The following KIAA1328 variants were observed in gnomAD, a reference collection of about 807,000 sequenced individuals.
KIAA1328 encodes the protein KIAA1328, also known as protein hinderin.
Under a neutral mutation model 68.1 loss-of-function variants are expected in KIAA1328, and 52 were observed. The observed-to-expected ratio is 0.76, with a 90% confidence interval of 0.61 to 0.96. The LOEUF is 0.96. Among genes scored for constraint, KIAA1328 ranks in the 40% least tolerant of loss-of-function variants. KIAA1328 has a pLI of 0.00. For synonymous variants in KIAA1328, 232 were observed against 239.4 expected, an observed-to-expected ratio of 0.97 and a Z score of 0.28; for missense variants, 641 against 677.6, an observed-to-expected ratio of 0.95 and a Z score of 0.60.
At chr18:37,015,804 A>T (rs2054132309) in intron 6 of KIAA1328, among the ~76,000 whole-genome samples, 1 of 152,114 alleles carries the variant, frequency 6.6e-6, no homozygotes. Context: ...CTCAGCTTGA[A>T]CATTGTTGGT....
rs533110921 is a variant in KIAA1328 at position 37,096,901 on chromosome 18, A to G, written c.1232+29356A>G. On this transcript the variant is annotated intron_variant, in intron 7 of 9. Transcript: ENST00000280020. ...TGAGAAGTGTCTGTTCATTTCCTTC[A>G]CCCACTTTTTGTTGGGGCCGTTTGT... Among the ~76,000 whole-genome samples, 47 of 151,954 alleles carry G rather than the reference A, an allele frequency of 3.1e-4. 1 individual carries two copies. The highest frequency in any genetic ancestry group is 9.9e-4 in the African/African-American group (41 of 41,430).
At position 37,102,184 on chromosome 18, in the gene KIAA1328, G is replaced by A. The variant is rs180932804; in HGVS notation, c.1232+34639G>A. Among the ~76,000 whole-genome samples the A allele has an allele frequency of 4.6e-3, 694 of 152,288 alleles. 5 individuals are homozygous for A. Among genetic ancestry groups the A allele is most frequent in the South Asian group, 0.021 (103 of 4,822 alleles). ...ATCAAGTGGGGTTTATGCCAGGAAT[G>A]CAAAGATGCTTCAACATATGCAATT... On this transcript the variant is annotated intron_variant, in intron 7 of 9. Transcript: ENST00000280020.
In KIAA1328 at chr18:37,078,117, G is replaced by T. The variant is rs202064286; in HGVS notation, c.1232+10572G>T. ...CAGTAACCAAAACAGCATGGTACTG[G>T]TACCAAAACAGAGATATAGATCAAT... On this transcript the variant is annotated intron_variant, in intron 7 of 9. Coordinates refer to ENST00000280020, the MANE Select transcript of KIAA1328 (RefSeq NM_020776.3). 1.7e-4 allele frequency among the ~76,000 whole-genome samples: 26 copies of T among 152,274 alleles called. 1 individual carries two copies. In the East Asian group the frequency reaches 5.0e-3, roughly 29 times the overall value.
chr18:37,149,728 G>A (rs377070039), intron 7 of KIAA1328, among the ~76,000 whole-genome samples: 17 of 152,282 alleles, frequency 1.1e-4, no homozygotes, highest in African/African-American at 2.9e-4. Flanking sequence ...GATAGAGTCT[G>A]TGACTGTATT....
intron 5 of KIAA1328, among the ~76,000 whole-genome samples, chr18:36,887,605 GTGGTCTTTTA>G (rs2048544364): frequency 6.6e-6 from 1 of 152,088 alleles, no homozygotes. Flanking sequence ...TCCCCACCCA[GTGGTCTTTTA>G]TATGATATTT....
At chr18:37,052,054 AC>A (rs201445149) in intron 6 of KIAA1328, among the ~76,000 whole-genome samples, 3 of 151,948 alleles carry the variant, frequency 2.0e-5, no homozygotes, top group African/African-American at 7.3e-5. Flanking sequence ...AAAAAAAAAA[AC>A]TACAGGCCAG....
At chr18:37,191,758 A>G (rs867081824) in intron 9 of KIAA1328, among the ~76,000 whole-genome samples, 1 of 152,208 alleles carries the variant, frequency 6.6e-6, no homozygotes, top group African/African-American at 2.4e-5. Context: ...GTGTATCAAG[A>G]ATTAGGGAAA....
chr18:36,951,576 C>T (rs1273328025), intron 5 of KIAA1328, among the ~76,000 whole-genome samples: 1 of 152,180 alleles, frequency 6.6e-6, no homozygotes, highest in African/African-American at 2.4e-5. Flanking sequence ...TCTATTTCTA[C>T]TCAGACTTCT....
chr18:36,905,161 G>C (rs2049173822), intron 5 of KIAA1328, among the ~76,000 whole-genome samples: 1 of 151,384 alleles, frequency 6.6e-6, no homozygotes, highest in Non-Finnish European at 1.5e-5. Context: ...GACCAGGCTG[G>C]AGTGCAGTGG....
At chr18:37,053,437 A>G (rs1410594200) in intron 6 of KIAA1328, among the ~76,000 whole-genome samples, 2 of 152,228 alleles carry the variant, frequency 1.3e-5, no homozygotes, top group South Asian at 4.1e-4. Flanking sequence ...CAAAGAATTT[A>G]TGACTAAGAC....
chr18:36,894,553 T>A (rs970831236), intron 5 of KIAA1328, among the ~76,000 whole-genome samples: 2 of 151,832 alleles, frequency 1.3e-5, no homozygotes, highest in South Asian at 2.1e-4. Context: ...TGAGACAGGG[T>A]CTTACCAGGT....
At chr18:37,081,520 A>G (rs1002194701) in intron 7 of KIAA1328, among the ~76,000 whole-genome samples, 1 of 152,198 alleles carries the variant, frequency 6.6e-6, no homozygotes, top group African/African-American at 2.4e-5. Flanking sequence ...CATTAATATC[A>G]TATAACAAGA....
rs1225533426 is a variant in KIAA1328 at position 37,066,972 on chromosome 18, A to G, written c.659A>G (p.Tyr220Cys). 6 of 1,613,450 alleles carry G rather than the reference A, an allele frequency of 3.7e-6. No homozygotes were observed. The highest frequency in any genetic ancestry group is 1.6e-4 in the Middle Eastern group (1 of 6,062). ...TTGAGCATAGCCAGACCACAGACCT[A>G]CTATCAAACCAAGCAAAGACCTAAG... is the stretch of plus-strand genomic sequence containing the variant. ...SYLSIARPQT[Y>C]YQTKQRPKSA... The change falls in exon 7 of 10, where the codon TAC becomes TGC. Residue 220 changes from tyrosine to cysteine, a missense_variant. By Grantham distance (194) the Tyr-to-Cys change is radical (BLOSUM62 -2). Transcript: ENST00000280020.
chr18:37,173,660 G>T (rs2059543186), intron 9 of KIAA1328, among the ~76,000 whole-genome samples: 1 of 152,152 alleles, frequency 6.6e-6, no homozygotes, highest in Non-Finnish European at 1.5e-5. Context: ...GATATGATTG[G>T]TTTTGAGCAC....
chr18:37,041,258 T>C (rs2055234503), intron 6 of KIAA1328, among the ~76,000 whole-genome samples: 1 of 152,146 alleles, frequency 6.6e-6, no homozygotes, highest in Non-Finnish European at 1.5e-5. Flanking sequence ...TTATAATTAT[T>C]ATGTCTTTCT....
At chr18:37,136,283 A>C (rs1331647874) in intron 7 of KIAA1328, among the ~76,000 whole-genome samples, 1 of 152,136 alleles carries the variant, frequency 6.6e-6, no homozygotes, top group African/African-American at 2.4e-5. Context: ...ATAAATTTAT[A>C]GGACTTTGGT....
At chr18:36,882,471 G>A (rs2048355783) in intron 4 of KIAA1328, among the ~76,000 whole-genome samples, 1 of 152,020 alleles carries the variant, frequency 6.6e-6, no homozygotes, top group Admixed American at 6.6e-5. Context: ...TAATATACTT[G>A]CTCATATTAA....
chr18:36,872,589 A>G (rs1436855664), intron 4 of KIAA1328, among the ~76,000 whole-genome samples: 2 of 152,170 alleles, frequency 1.3e-5, no homozygotes, highest in Non-Finnish European at 2.9e-5. Context: ...CACAACTCCT[A>G]CACTAAAAAC....
intron 6 of KIAA1328, among the ~76,000 whole-genome samples, chr18:36,963,611 ACT>A (rs202055512): frequency 0.03 from 4,594 of 152,224 alleles, 236 homozygotes; most frequent in African/African-American, 0.11. Context: ...CAATAAGGCT[ACT>A]TCCTTGCAGT....
Sources: allele counts gnomAD v4.1 joint callset (sites outside exome capture counted in the v4.1 genomes callset), GRCh38; gene constraint gnomAD v4.1.1; transcripts MANE v1.5; gene names NCBI Gene and HGNC (gene_info 2026-07-23, HGNC 2026-07-21).